KLRG1: variants seen among roughly 807,000 people sequenced by gnomAD.
KLRG1 encodes killer cell lectin-like receptor subfamily G member 1.
In KLRG1, 16 loss-of-function variants were observed where a neutral mutation model predicts 21.8. That is an observed-to-expected ratio of 0.73 (90% CI 0.50 to 1.11). KLRG1 has a LOEUF of 1.11. Ranked by LOEUF, KLRG1 falls within the 50% of genes most tolerant of loss-of-function variation. The pLI is 0.00. For synonymous variants in KLRG1, 69 were observed against 75.9 expected (o/e 0.91, Z 0.47); for missense variants, 173 against 218.3 (o/e 0.79, Z 1.31).
chr12:9,154,924 A>G, the KLRG1 span: 8 of 1,307,092 alleles, frequency 6.1e-6, no homozygotes, highest in Admixed American at 2.2e-5. Context: ...TTCATAATAC[A>G]TGGAGCTGAA....
chr12:9,115,886 A>G, the KLRG1 span: 2 of 1,526,058 alleles, frequency 1.3e-6, no homozygotes, highest in Non-Finnish European at 1.8e-6. Flanking sequence ...AACAGACTGT[A>G]TTGTACCCTA....
chr12:9,010,985 T>C (rs1466678160), downstream of KLRG1, among the ~76,000 whole-genome samples: 1 of 152,178 alleles, frequency 6.6e-6, no homozygotes, highest in African/African-American at 2.4e-5. Context: ...GCAGGAAGTA[T>C]CCCTTAGTTA....
chr12:9,050,491 A>G, the KLRG1 span, among the ~76,000 whole-genome samples: 1 of 152,174 alleles, frequency 6.6e-6, no homozygotes, highest in Non-Finnish European at 1.5e-5. Flanking sequence ...GCAGCCCTGC[A>G]AACCTCAGTC....
At chr12:9,157,218 A>G in the KLRG1 span, 1 of 1,614,012 alleles carries the variant, frequency 6.2e-7, no homozygotes, top group African/African-American at 1.3e-5. Context: ...GTATTTCTCT[A>G]TTCTGATTTT....
At chr12:9,179,213 T>C in the KLRG1 span, among the ~76,000 whole-genome samples, 2 of 152,220 alleles carry the variant, frequency 1.3e-5, no homozygotes, top group Non-Finnish European at 1.5e-5. Context: ...CTGATAATTA[T>C]TCTTCAAAAA....
intron 1 of KLRG1, among the ~76,000 whole-genome samples, chr12:8,958,581 G>A (rs1433888750): frequency 6.7e-6 from 1 of 149,844 alleles, no homozygotes; most frequent in Admixed American, 6.6e-5. Flanking sequence ...CTGGGGCAAG[G>A]CATAGTGGCT....
chr12:9,009,103 A>AG (rs1565554881), intron 4 of KLRG1, 28 bp downstream of exon 4: 1 of 1,552,572 alleles, frequency 6.4e-7, no homozygotes, highest in Admixed American at 1.8e-5. Context: ...AATGCAAAAA[A>AG]AGAGAGAGAG....
chr12:9,055,351 T>G, the KLRG1 span, among the ~76,000 whole-genome samples: 1 of 152,250 alleles, frequency 6.6e-6, no homozygotes, highest in African/African-American at 2.4e-5. Context: ...CTCTTGTCAC[T>G]AATCTTCAGT....
At chr12:9,114,418 G>T in the KLRG1 span, among the ~76,000 whole-genome samples, 18 of 151,988 alleles carry the variant, frequency 1.2e-4, no homozygotes, top group African/African-American at 4.1e-4. Flanking sequence ...TATTTTTGAT[G>T]ATATTTTAAA....
downstream of KLRG1, among the ~76,000 whole-genome samples, chr12:9,012,446 G>A (rs1182410871): frequency 1.3e-5 from 2 of 151,980 alleles, no homozygotes; most frequent in East Asian, 1.9e-4. Flanking sequence ...TGACTAAAGA[G>A]CCCTTTGGCC....
At chr12:9,211,699 T>C in the KLRG1 span, among the ~76,000 whole-genome samples, 3 of 152,230 alleles carry the variant, frequency 2.0e-5, no homozygotes, top group Non-Finnish European at 4.4e-5. Context: ...TTTCTATGCA[T>C]CTGAAGGAGC....
chr12:9,000,859 G>A (rs1947286769), intron 3 of KLRG1, among the ~76,000 whole-genome samples: 1 of 152,180 alleles, frequency 6.6e-6, no homozygotes, highest in South Asian at 2.1e-4. Context: ...GTTTCCACAA[G>A]CTTTTAAAAA....
At chr12:9,125,396 C>T in the KLRG1 span, among the ~76,000 whole-genome samples, 8 of 152,164 alleles carry the variant, frequency 5.3e-5, no homozygotes, top group Non-Finnish European at 1.2e-4. Flanking sequence ...TCGCCAGCCG[C>T]AGAAGTTTCT....
At chr12:9,056,943 T>C in the KLRG1 span, among the ~76,000 whole-genome samples, 2 of 152,234 alleles carry the variant, frequency 1.3e-5, no homozygotes, top group African/African-American at 4.8e-5. Flanking sequence ...TCTTAGGCTC[T>C]TCTTTATTTC....
chr12:9,027,458 C>G, the KLRG1 span: 1 of 709,260 alleles, frequency 1.4e-6, no homozygotes, highest in Admixed American at 2.1e-5. Flanking sequence ...GCTGAGTTCA[C>G]AAATCTGTTG....
At chr12:9,140,926 T>A in the KLRG1 span, among the ~76,000 whole-genome samples, 1 of 152,312 alleles carries the variant, frequency 6.6e-6, no homozygotes, top group Non-Finnish European at 1.5e-5. Flanking sequence ...GTTTTTCAAA[T>A]CATGTTCTGT....
the KLRG1 span, among the ~76,000 whole-genome samples, chr12:9,055,941 C>T: frequency 6.6e-6 from 1 of 152,174 alleles, no homozygotes; most frequent in African/African-American, 2.4e-5. Flanking sequence ...AGGAAACCTT[C>T]CAGGAAGTTA....
At chr12:9,183,210 A>T in the KLRG1 span, among the ~76,000 whole-genome samples, 5 of 152,192 alleles carry the variant, frequency 3.3e-5, no homozygotes, top group Non-Finnish European at 7.3e-5. Context: ...CTAACACACA[A>T]CATGAAGACT....
At chr12:9,088,016 C>G in the KLRG1 span, among the ~76,000 whole-genome samples, 19 of 152,134 alleles carry the variant, frequency 1.2e-4, no homozygotes, top group African/African-American at 4.6e-4. Flanking sequence ...ATATTATAGG[C>G]TTAAAAGCAA....
Sources: gnomAD v4.1 joint callset for allele counts (sites outside exome capture counted in the v4.1 genomes callset) on GRCh38, gnomAD v4.1.1 for gene constraint, MANE v1.5 for transcripts, NCBI Gene and HGNC (gene_info 2026-07-23, HGNC 2026-07-21) for gene names.